Variants in CPPED1 observed in about 807,000 individuals in gnomAD.
CPPED1 encodes the protein calcineurin like phosphoesterase domain containing 1.
CPPED1 carries 28 observed loss-of-function variants against 28.0 expected under a neutral mutation model. That is an observed-to-expected ratio of 1.00 (90% CI 0.74 to 1.37). CPPED1 has a LOEUF of 1.37. Ranked by LOEUF, CPPED1 falls within the 40% of genes most tolerant of loss-of-function variation. The pLI, the probability that CPPED1 is intolerant of heterozygous loss-of-function variation, is 0.00. For synonymous variants in CPPED1, 198 were observed against 180.2 expected, an observed-to-expected ratio of 1.10 and a Z score of -0.79; for missense variants, 504 against 416.5, an observed-to-expected ratio of 1.21 and a Z score of -1.83.
At chr16:12,699,165 A>G (rs151009810) in intron 3 of CPPED1, among the ~76,000 whole-genome samples, 30 of 152,336 alleles carry the variant, frequency 2.0e-4, no homozygotes, top group African/African-American at 7.0e-4. Context: ...TATCAGGTGA[A>G]TAAAGCGGAA....
chr16:12,801,134 T>C (rs12598854), intron 1 of CPPED1, among the ~76,000 whole-genome samples: 49,102 of 152,092 alleles, frequency 0.32, 11,111 homozygotes, highest in African/African-American at 0.64. Context: ...TGCTCTGTTG[T>C]CCAGGGTGGA....
intron 3 of CPPED1, among the ~76,000 whole-genome samples, chr16:12,677,396 T>C (rs2079882920): frequency 6.6e-6 from 1 of 152,238 alleles, no homozygotes; most frequent in Non-Finnish European, 1.5e-5. Context: ...CCCAGCACTT[T>C]GGGAGGCCGA....
intron 2 of CPPED1, among the ~76,000 whole-genome samples, chr16:12,715,840 T>C (rs2080104556): frequency 6.6e-6 from 1 of 152,050 alleles, no homozygotes; most frequent in Non-Finnish European, 1.5e-5. Context: ...AATGGGATGG[T>C]TTTAAGGAAG....
chr16:12,748,755 C>T (rs571276027), intron 2 of CPPED1, among the ~76,000 whole-genome samples: 60 of 151,882 alleles, frequency 4.0e-4, no homozygotes, highest in African/African-American at 1.3e-3. Context: ...TGGTGGTGCA[C>T]GCCTATAATC....
intron 2 of CPPED1, among the ~76,000 whole-genome samples, chr16:12,720,909 C>A (rs1253867592): frequency 6.6e-6 from 1 of 152,066 alleles, no homozygotes; most frequent in Non-Finnish European, 1.5e-5. Flanking sequence ...ACTGTTTTGG[C>A]ATGGGGGACT....
chr16:12,750,382 G>T (rs938144513), intron 2 of CPPED1, among the ~76,000 whole-genome samples: 7 of 152,152 alleles, frequency 4.6e-5, no homozygotes, highest in Admixed American at 4.6e-4. Context: ...TGAACGCTTA[G>T]AAGCCAGTAT....
intron 3 of CPPED1, among the ~76,000 whole-genome samples, chr16:12,681,756 G>A (rs1242204680): frequency 6.6e-6 from 1 of 152,048 alleles, no homozygotes; most frequent in Non-Finnish European, 1.5e-5. Flanking sequence ...ACCAACACCT[G>A]GAGGCAGCTG....
chr16:12,725,144 T>G (rs1045159221), intron 2 of CPPED1, among the ~76,000 whole-genome samples: 1 of 151,860 alleles, frequency 6.6e-6, no homozygotes, highest in Non-Finnish European at 1.5e-5. Flanking sequence ...CAGGCTAGAG[T>G]GCAGTGTGGT....
intron 3 of CPPED1, among the ~76,000 whole-genome samples, chr16:12,694,787 T>C (rs1206325607): frequency 1.1e-4 from 16 of 151,514 alleles, no homozygotes; most frequent in African/African-American, 3.9e-4. Context: ...CCCCCCCTTT[T>C]TTTTTTTGAG....
rs565046403 is a variant in CPPED1 at position 12,704,961 on chromosome 16, G to C, written c.378C>G (p.Gly126=). 1.1e-5 allele frequency: 17 copies of C among 1,614,202 alleles called. No individual in the cohort carries two copies. Among genetic ancestry groups the C allele is most frequent in the African/African-American group, 4.0e-5 (3 of 75,052 alleles). The part of the protein sequence containing the change: ...DRAIPLVLVS[G]NHDIGNTPTA... ...TGGGGGTGTTGCCAATGTCATGGTT[G>C]CCGCTGACAAGGACCAGTGGGATGG... The change falls in exon 3 of 4, where the codon GGC becomes GGG. Residue 126 remains glycine (G), a synonymous_variant. Transcript: ENST00000381774.
intron 2 of CPPED1, among the ~76,000 whole-genome samples, chr16:12,747,572 AT>A (rs901022522): frequency 2.0e-5 from 3 of 152,176 alleles, no homozygotes; most frequent in African/African-American, 7.2e-5. Context: ...TAGCTATTAA[AT>A]AAATTAAATG....
At chr16:12,673,609 G>A (rs550475664) in intron 3 of CPPED1, among the ~76,000 whole-genome samples, 48 of 152,286 alleles carry the variant, frequency 3.2e-4, no homozygotes, top group African/African-American at 1.1e-3. Context: ...CCCCAGACCC[G>A]TGGACAGCTG....
chr16:12,662,585 T>C lies in CPPED1; in HGVS notation c.*2301A>G, dbSNP rs1273956904. 6.6e-6 allele frequency: 1 copy of C among 152,198 alleles called. No homozygotes were observed. Among genetic ancestry groups the C allele is most frequent in the African/African-American group, 2.4e-5 (1 of 41,462 alleles). The allele number at this position is 152,198 out of a possible 1,614,324, so 9.4% of individuals were successfully genotyped here. ...ATGTTTGTTCCACACTCTATGTTCA[T>C]GGGTACACTTTATGTAGCTCCCATT... On this transcript the variant is annotated 3_prime_UTR_variant, in exon 4 of 4. Coordinates refer to ENST00000381774, the MANE Select transcript of CPPED1 (RefSeq NM_018340.3).
At chr16:12,766,256 T>TATATATATATATATATATATAGAG in intron 2 of CPPED1, among the ~76,000 whole-genome samples, 1 of 134,252 alleles carries the variant, frequency 7.4e-6, no homozygotes, top group African/African-American at 3.5e-5. Context: ...TATATATATA[T>TATATATATATATATATATATAGAG]AGAGAGAGAG....
rs1366558905 is a variant in CPPED1, at chr16:12,709,944, G to C, written c.290-4895C>G. On this transcript the variant is annotated intron_variant, in intron 2 of 3. Transcript: ENST00000381774. This position sits in a 1 kb window ranked among gnomAD's most constrained non-coding sequence, Gnocchi z 4.4. The stretch of plus-strand genomic sequence containing the variant: ...AGGAAGGGAAGGAAGGGAAGGAAGG[G>C]AGGAAGGAAAGAAGGGAAGGAAGGC... Among the ~76,000 whole-genome samples, 1 of 128,008 alleles carries C rather than the reference G, an allele frequency of 7.8e-6. No individual in the cohort carries two copies. The highest frequency in any genetic ancestry group is 2.3e-4 in the East Asian group (1 of 4,394). 84.0% of individuals were successfully genotyped at this position (128,008 alleles called of 152,430 possible).
chr16:12,717,142 T>C (rs2080111320), intron 2 of CPPED1, among the ~76,000 whole-genome samples: 1 of 152,060 alleles, frequency 6.6e-6, no homozygotes, highest in African/African-American at 2.4e-5. Context: ...TTTTGGAAAG[T>C]GGGGCAGTAA....
intron 2 of CPPED1, among the ~76,000 whole-genome samples, chr16:12,750,004 T>A (rs1233831143): frequency 1.3e-5 from 2 of 152,232 alleles, no homozygotes; most frequent in African/African-American, 2.4e-5. Context: ...TACAGCTTTA[T>A]GAAACGTATT....
chr16:12,726,342 T>G (rs1397074446), intron 2 of CPPED1, among the ~76,000 whole-genome samples: 1 of 5,490 alleles, frequency 1.8e-4, no homozygotes, highest in African/African-American at 4.1e-3. Flanking sequence ...ACCCAGCCCT[T>G]TTTTTTTTTT....
intron 1 of CPPED1, among the ~76,000 whole-genome samples, chr16:12,797,858 T>C (rs764848092): frequency 1.4e-4 from 21 of 152,124 alleles, no homozygotes; most frequent in Non-Finnish European, 2.8e-4. Flanking sequence ...GGTGGGAGGA[T>C]AGCTTCAGTT....
Sources: gnomAD v4.1 joint callset for allele counts (sites outside exome capture counted in the v4.1 genomes callset) on GRCh38, gnomAD v4.1.1 for gene constraint, Gnocchi (gnomAD v3.1) non-coding constraint, MANE v1.5 for transcripts, NCBI Gene and HGNC (gene_info 2026-07-23, HGNC 2026-07-21) for gene names.